CPNE4: variants seen among roughly 807,000 people sequenced by gnomAD.
CPNE4 encodes copine 4.
A neutral mutation model predicts 67.9 loss-of-function variants in CPNE4; 25 were observed. The observed-to-expected ratio is 0.37, with a 90% CI of 0.27 to 0.51. The LOEUF is 0.51. Among genes scored for constraint, CPNE4 ranks in the 20% least tolerant of loss-of-function variants. The pLI, the probability that CPNE4 is intolerant of heterozygous loss-of-function variation, is 0.93. For synonymous variants in CPNE4, 242 were observed against 244.9 expected (o/e 0.99, Z 0.11); for missense variants, 464 against 690.8 (o/e 0.67, Z 3.68).
chr3:131,710,528 G>C (rs2081531294), intron 3 of CPNE4, among the ~76,000 whole-genome samples: 1 of 152,194 alleles, frequency 6.6e-6, no homozygotes, highest in African/African-American at 2.4e-5. Flanking sequence ...GAAATTGAAA[G>C]TGGCTTAGTA....
At chr3:131,981,840 A>G (rs1238997747) in intron 1 of CPNE4, among the ~76,000 whole-genome samples, 1 of 152,182 alleles carries the variant, frequency 6.6e-6, no homozygotes, top group Non-Finnish European at 1.5e-5. Flanking sequence ...CTTCTCCCAC[A>G]AACAGACCTT....
chr3:131,698,233 C>CAAAAAAAAAAAAAAAAAAAAAAA (rs369274504), intron 4 of CPNE4, among the ~76,000 whole-genome samples: 51 of 64,444 alleles, frequency 7.9e-4, no homozygotes, highest in South Asian at 2.4e-3. Context: ...GGCTCTGTCT[C>CAAAAAAAAAAAAAAAAAAAAAAA]AAAAAAAAAA....
At chr3:131,898,521 T>G (rs1314081753) in intron 2 of CPNE4, among the ~76,000 whole-genome samples, 1 of 152,118 alleles carries the variant, frequency 6.6e-6, no homozygotes, top group Non-Finnish European at 1.5e-5. Flanking sequence ...TTCAAATACT[T>G]TTTGCTCATC....
intron 6 of CPNE4, among the ~76,000 whole-genome samples, chr3:131,675,076 AT>A (rs2080523140): frequency 1.3e-5 from 2 of 152,112 alleles, no homozygotes; most frequent in South Asian, 2.1e-4. Flanking sequence ...TCCACTGGTC[AT>A]TCAGGAGCAT....
intron 7 of CPNE4, among the ~76,000 whole-genome samples, chr3:131,644,864 T>C (rs547062730): frequency 7.9e-5 from 12 of 152,260 alleles, no homozygotes; most frequent in African/African-American, 2.9e-4. Flanking sequence ...TTTCCAGTAG[T>C]GGTCAGAAGC....
intron 2 of CPNE4, among the ~76,000 whole-genome samples, chr3:131,803,043 A>C (rs1454006838): frequency 6.6e-6 from 1 of 152,192 alleles, no homozygotes; most frequent in African/African-American, 2.4e-5. Context: ...TAAGTTATCT[A>C]TCCAATTCAG....
chr3:131,592,236 T>C (rs556864892), intron 7 of CPNE4, among the ~76,000 whole-genome samples: 56 of 152,344 alleles, frequency 3.7e-4, no homozygotes, highest in African/African-American at 1.3e-3. Context: ...GAGCACTTCA[T>C]ACATATTAAC....
chr3:131,784,406 G>T (rs1164660715), intron 2 of CPNE4, among the ~76,000 whole-genome samples: 1 of 152,010 alleles, frequency 6.6e-6, no homozygotes, highest in Non-Finnish European at 1.5e-5. Flanking sequence ...TCTGATTTCT[G>T]CCGCAACTGT....
At chr3:131,954,956 A>T (rs2071899406) in intron 1 of CPNE4, among the ~76,000 whole-genome samples, 1 of 141,046 alleles carries the variant, frequency 7.1e-6, no homozygotes. Context: ...CAATAAACAT[A>T]CGTATGCATG....
chr3:131,553,120 C>T (rs934579824), intron 12 of CPNE4, among the ~76,000 whole-genome samples: 2 of 152,152 alleles, frequency 1.3e-5, no homozygotes, highest in African/African-American at 4.8e-5. Flanking sequence ...GGTCAAATAA[C>T]ATATTGTTTA....
At chr3:131,632,944 C>T (rs983946532) in intron 7 of CPNE4, among the ~76,000 whole-genome samples, 1 of 152,138 alleles carries the variant, frequency 6.6e-6, no homozygotes, top group Non-Finnish European at 1.5e-5. Context: ...CTAGATGATC[C>T]CGTATCTCTC....
chr3:131,924,475 G>C (rs889931648), intron 1 of CPNE4, among the ~76,000 whole-genome samples: 2 of 152,104 alleles, frequency 1.3e-5, no homozygotes, highest in Non-Finnish European at 2.9e-5. Context: ...AAATTATCTT[G>C]AAATGTGTAT....
intron 7 of CPNE4, among the ~76,000 whole-genome samples, chr3:131,628,804 C>T (rs529022117): frequency 6.6e-6 from 1 of 152,196 alleles, no homozygotes; most frequent in South Asian, 2.1e-4. Context: ...CTTTATTAGT[C>T]TTGCTAGTGG....
At chr3:131,784,878 C>T (rs889040144) in intron 2 of CPNE4, among the ~76,000 whole-genome samples, 2 of 152,094 alleles carry the variant, frequency 1.3e-5, no homozygotes, top group African/African-American at 4.8e-5. Context: ...GGAATTATTG[C>T]AACCAATCTC....
chr3:131,537,564 T>A, intron 15 of CPNE4: 1 of 252,170 alleles, frequency 4.0e-6, no homozygotes. Context: ...ATTACAGGCG[T>A]GAGCCACCGC....
intron 7 of CPNE4, among the ~76,000 whole-genome samples, chr3:131,612,959 G>A (rs1007956012): frequency 3.5e-4 from 53 of 152,310 alleles, no homozygotes; most frequent in African/African-American, 1.2e-3. Context: ...AGAGGAAGTC[G>A]TATCTTGTAA....
chr3:131,952,215 G>GC (rs1560664375), intron 1 of CPNE4, among the ~76,000 whole-genome samples: 1 of 146,198 alleles, frequency 6.8e-6, no homozygotes, highest in Non-Finnish European at 1.5e-5. Flanking sequence ...CTGCCCCGCC[G>GC]CCCCGTCTGG....
At chr3:131,995,821 C>T (rs534708743) in intron 1 of CPNE4, among the ~76,000 whole-genome samples, 38 of 152,230 alleles carry the variant, frequency 2.5e-4, no homozygotes, top group African/African-American at 8.7e-4. Flanking sequence ...ATCTCTATTC[C>T]CTGGTTTGTC....
chr3:131,873,556 G>A (rs2087306323), intron 2 of CPNE4, among the ~76,000 whole-genome samples: 1 of 152,202 alleles, frequency 6.6e-6, no homozygotes, highest in Non-Finnish European at 1.5e-5. Context: ...TTTATTTAGA[G>A]AAGATAAAAT....
Sources: allele counts gnomAD v4.1 joint callset (sites outside exome capture counted in the v4.1 genomes callset), GRCh38; gene constraint gnomAD v4.1.1; transcripts MANE v1.5; gene names NCBI Gene and HGNC (gene_info 2026-07-23, HGNC 2026-07-21).